SNX8: variants seen among roughly 807,000 people sequenced by gnomAD.
SNX8 encodes sorting nexin 8, also known as sorting nexin-8.
SNX8 carries 25 observed loss-of-function variants against 51.6 expected under a neutral mutation model. The observed-to-expected ratio is 0.48, with a 90% CI of 0.35 to 0.68. The LOEUF is 0.68. Ranked by LOEUF, SNX8 falls within the 30% of genes least tolerant of loss-of-function variation. The probability of loss-of-function intolerance (pLI) is 0.00; values close to 1 mark genes in which losing one functional copy is unlikely to be tolerated. For synonymous variants in SNX8, 324 were observed against 277.0 expected (o/e 1.17, Z -1.68); for missense variants, 695 against 624.0 (o/e 1.11, Z -1.21).
chr7:2,267,736 C>T (rs1255104011), intron 5 of SNX8, among the ~76,000 whole-genome samples: 2 of 146,144 alleles, frequency 1.4e-5, no homozygotes, highest in Admixed American at 6.8e-5. Flanking sequence ...GCCGCCACCC[C>T]GTCTGGGAAG....
chr7:2,256,917 A>G lies in SNX8; in HGVS notation c.1241T>C (p.Ile414Thr), dbSNP rs144787122. The G allele has an allele frequency of 2.9e-3, 4,700 of 1,613,538 alleles. 12 individuals carry two copies. Among genetic ancestry groups the G allele is most frequent in the Non-Finnish European group, 3.8e-3 (4,466 of 1,179,818 alleles). Reference sequence around the variant, plus strand: ...CTGAGAGTTGACGAAGGCGCGGAGGATGTGGGAGGTGAGGGGCAGGTAGAC... The same window carrying G: ...CTGAGAGTTGACGAAGGCGCGGAGGGTGTGGGAGGTGAGGGGCAGGTAGAC... Reference protein sequence around the residue: ...IHVYLPLTSHILRAFVNSQIQ... With the variant: ...IHVYLPLTSHTLRAFVNSQIQ... The change falls in exon 10 of 11, where the codon ATC becomes ACC. Residue 414 changes from isoleucine to threonine, a missense_variant. Physicochemically the swap from Ile to Thr is moderately conservative, Grantham distance 89. Transcript: ENST00000222990.
intron 5 of SNX8, 119 bp from the exon 6 acceptor site, chr7:2,264,577 C>T: frequency 1.1e-6 from 1 of 877,464 alleles, no homozygotes; most frequent in South Asian, 1.7e-5. Context: ...ATGAGCCACC[C>T]CGGGAGCCCC....
At chr7:2,263,830 A>G (rs1795397299) in intron 6 of SNX8, among the ~76,000 whole-genome samples, 1 of 151,916 alleles carries the variant, frequency 6.6e-6, no homozygotes, top group African/African-American at 2.4e-5. Context: ...TCTCTGCCTC[A>G]GCCTCCCGAG....
intron 1 of SNX8, among the ~76,000 whole-genome samples, chr7:2,279,915 C>A (rs888296164): frequency 6.6e-6 from 1 of 152,196 alleles, no homozygotes; most frequent in Non-Finnish European, 1.5e-5. Context: ...GAAAAAGAAT[C>A]TTCCTTTTCT....
At chr7:2,328,020 C>T (rs188090690) in intron 1 of SNX8, among the ~76,000 whole-genome samples, 1 of 152,118 alleles carries the variant, frequency 6.6e-6, no homozygotes, top group Non-Finnish European at 1.5e-5. Flanking sequence ...TGCGCACCAC[C>T]ATGTCCAACC....
intron 10 of SNX8, among the ~76,000 whole-genome samples, chr7:2,256,619 A>T (rs965128992): frequency 1.3e-5 from 2 of 152,194 alleles, no homozygotes; most frequent in East Asian, 1.9e-4. Flanking sequence ...AAATCCCTCC[A>T]GGAGGCAAAC....
intron 8 of SNX8, 50 bp from the exon 9 acceptor site, chr7:2,257,564 G>A: frequency 6.3e-7 from 1 of 1,593,688 alleles, no homozygotes; most frequent in Non-Finnish European, 8.5e-7. Context: ...CCTGCGCCAG[G>A]GCCCTGCGGA....
chr7:2,256,704 G>A (rs979124153), intron 10 of SNX8, among the ~76,000 whole-genome samples, 170 bp downstream of exon 10: 2 of 152,250 alleles, frequency 1.3e-5, no homozygotes, highest in Non-Finnish European at 2.9e-5. Context: ...TGGCTACACA[G>A]GAGACTAGAA....
At chr7:2,266,693 G>T (rs1157816892) in intron 5 of SNX8, among the ~76,000 whole-genome samples, 2 of 150,806 alleles carry the variant, frequency 1.3e-5, no homozygotes, top group Non-Finnish European at 2.9e-5. Flanking sequence ...TTTTTGTTTT[G>T]TATTTTTATT....
chr7:2,257,302 G>C, intron 9 of SNX8, 63 bp downstream of exon 9: 1 of 1,548,354 alleles, frequency 6.5e-7, no homozygotes, highest in Non-Finnish European at 8.7e-7. Context: ...GACGGCTCCG[G>C]GTCCCACCAT....
chr7:2,346,607 G>T (rs545719012), intron 1 of SNX8, among the ~76,000 whole-genome samples: 2 of 151,292 alleles, frequency 1.3e-5, no homozygotes, highest in Admixed American at 6.6e-5. Context: ...TTAGCCGGGC[G>T]TGGTGGTGGG....
At chr7:2,304,458 G>A (rs974379972) in intron 1 of SNX8, among the ~76,000 whole-genome samples, 1 of 151,894 alleles carries the variant, frequency 6.6e-6, no homozygotes, top group Admixed American at 6.6e-5. Flanking sequence ...GCAGGAGAAT[G>A]GCGTGAACCC....
intron 7 of SNX8, among the ~76,000 whole-genome samples, chr7:2,260,198 C>A (rs919864120): frequency 6.6e-6 from 1 of 152,036 alleles, no homozygotes. Context: ...CAGGTTCAAG[C>A]GATTCTCTCC....
intron 1 of SNX8, among the ~76,000 whole-genome samples, chr7:2,310,867 T>A (rs1796645380): frequency 6.6e-6 from 1 of 152,180 alleles, no homozygotes; most frequent in Admixed American, 6.6e-5. Flanking sequence ...GAAGTATATG[T>A]TTCCTGAGTA....
At chr7:2,325,796 C>A (rs559780603) in intron 1 of SNX8, among the ~76,000 whole-genome samples, 77 of 152,024 alleles carry the variant, frequency 5.1e-4, no homozygotes, top group Non-Finnish European at 1.0e-3. Flanking sequence ...CGTGCCACTG[C>A]ACCCCAGCCT....
intron 1 of SNX8, among the ~76,000 whole-genome samples, chr7:2,332,903 G>C (rs1278951078): frequency 1.3e-5 from 2 of 150,942 alleles, no homozygotes; most frequent in Non-Finnish European, 3.0e-5. Context: ...AAGAAAGAAA[G>C]AAAAAAGGGA....
intron 6 of SNX8, among the ~76,000 whole-genome samples, chr7:2,263,941 C>G (rs1226363882): frequency 6.6e-6 from 1 of 152,108 alleles, no homozygotes; most frequent in African/African-American, 2.4e-5. Context: ...ATCTTGAACT[C>G]CTGACCTCGT....
At chr7:2,257,877 G>A (rs1029744615) in intron 7 of SNX8, 74 bp from the exon 8 acceptor site, 1 of 1,420,978 alleles carries the variant, frequency 7.0e-7, no homozygotes, top group East Asian at 2.3e-5. Flanking sequence ...TCAGACCCAA[G>A]CCTGGCCTGG....
chr7:2,341,640 C>A (rs1271884510), intron 1 of SNX8, among the ~76,000 whole-genome samples: 1 of 152,084 alleles, frequency 6.6e-6, no homozygotes, highest in Non-Finnish European at 1.5e-5. Context: ...CCACTTCACT[C>A]CAACCTGGGT....
Sources: allele counts gnomAD v4.1 joint callset (sites outside exome capture counted in the v4.1 genomes callset), GRCh38; gene constraint gnomAD v4.1.1; transcripts MANE v1.5; gene names NCBI Gene and HGNC (gene_info 2026-07-23, HGNC 2026-07-21).